The following PRKAA2 variants were observed in gnomAD, a reference collection of about 807,000 sequenced individuals.
PRKAA2 encodes protein kinase AMP-activated catalytic subunit alpha 2, also known as 5'-AMP-activated protein kinase catalytic subunit alpha-2.
Under a neutral mutation model 56.3 loss-of-function variants are expected in PRKAA2, and 40 were observed. The observed-to-expected ratio is 0.71, with a 90% CI of 0.55 to 0.92. PRKAA2 has a LOEUF of 0.92. Among genes scored for constraint, PRKAA2 ranks in the 40% least tolerant of loss-of-function variants. The pLI is 0.00. For synonymous variants in PRKAA2, 214 were observed against 234.2 expected (o/e 0.91, Z 0.79); for missense variants, 542 against 686.9 (o/e 0.79, Z 2.36).
rs752943476 is a variant in PRKAA2, at chr1:56,706,093, T to A, written c.1295T>A (p.Val432Glu). ...ATTTTTATTGATTTTTCACTTTAGG[T>A]AGTGAATGCATACCATCTTCGTGTA... ...AMKQLDFEWK[V>E]VNAYHLRVRR... Residue 432 changes from valine to glutamate, a missense_variant and splice_region_variant, in exon 8 of 9, where the codon GTA becomes GAA. This residue lies in a region of PRKAA2 where 158 missense variants were observed against 166.1 expected (regional missense o/e 0.95). Coordinates refer to ENST00000371244, the MANE Select transcript of PRKAA2 (RefSeq NM_006252.4). The A allele has an allele frequency of 6.2e-7, 1 of 1,605,596 alleles. No homozygotes were observed. Among genetic ancestry groups the A allele is most frequent in the South Asian group, 1.1e-5 (1 of 89,908 alleles).
At chr1:56,681,130 T>G (rs1208235593) in intron 2 of PRKAA2, among the ~76,000 whole-genome samples, 2 of 152,248 alleles carry the variant, frequency 1.3e-5, no homozygotes, top group Non-Finnish European at 2.9e-5. Flanking sequence ...ATTTTTCATG[T>G]GTCTGTTGGC....
intron 6 of PRKAA2, among the ~76,000 whole-genome samples, chr1:56,701,625 G>A (rs1006016544): frequency 5.9e-5 from 9 of 152,044 alleles, no homozygotes; most frequent in East Asian, 1.9e-4. Flanking sequence ...CGCCGGGCGC[G>A]GTGGCTCACA....
At position 56,712,087 on chromosome 1, in the gene PRKAA2, GACCCTTCAT is replaced by G. The variant is rs1203906407; in HGVS notation, c.*4376_*4384del. The G allele has an allele frequency of 6.6e-6, 1 of 152,126 alleles. No individual in the cohort carries two copies. Among genetic ancestry groups the G allele is most frequent in the East Asian group, 1.9e-4 (1 of 5,188 alleles). The allele number at this position is 152,126 out of a possible 1,614,324, so 9.4% of individuals were successfully genotyped here. ...TTTTATAGTGATTTTTCGATCTAGA[GACCCTTCAT>G]ATTGTTTACTTACTATTACGATAAC... On this transcript the variant is annotated 3_prime_UTR_variant, in exon 9 of 9. Transcript: ENST00000371244.
chr1:56,679,479 A>G (rs1353537782), intron 2 of PRKAA2, among the ~76,000 whole-genome samples: 7 of 152,176 alleles, frequency 4.6e-5, no homozygotes, highest in African/African-American at 1.7e-4. Flanking sequence ...TGAAAATACC[A>G]TTCATGCAGT....
At chr1:56,698,285 A>G (rs1485247970) in intron 6 of PRKAA2, among the ~76,000 whole-genome samples, 1 of 152,144 alleles carries the variant, frequency 6.6e-6, no homozygotes, top group Non-Finnish European at 1.5e-5. Flanking sequence ...TCATGGAAAA[A>G]TTACAAAATA....
intron 5 of PRKAA2, among the ~76,000 whole-genome samples, chr1:56,694,426 GA>G (rs1644246284): frequency 6.6e-6 from 1 of 152,132 alleles, no homozygotes; most frequent in Non-Finnish European, 1.5e-5. Context: ...AATCCTATAA[GA>G]GAAAATATGG....
rs1569806786 is a variant in PRKAA2 at position 56,709,562 on chromosome 1, T to C, written c.*1849T>C. The C allele has an allele frequency of 6.6e-6, 1 of 152,278 alleles. No individual in the cohort carries two copies. The highest frequency in any genetic ancestry group is 2.1e-4 in the South Asian group (1 of 4,834). The allele number at this position is 152,278 out of a possible 1,614,324, so 9.4% of individuals were successfully genotyped here. On this transcript the variant is annotated 3_prime_UTR_variant, in exon 9 of 9. Transcript: ENST00000371244. ...GTGTTAGCCTGGTCCATTATAGATA[T>C]GGCATAGTTTTGGGTTCTCTAAATG...
intron 1 of PRKAA2, among the ~76,000 whole-genome samples, chr1:56,649,353 A>T (rs1190644012): frequency 6.6e-6 from 1 of 152,186 alleles, no homozygotes; most frequent in Non-Finnish European, 1.5e-5. Flanking sequence ...TGCAAAATGA[A>T]TTTCTACTAA....
chr1:56,713,940 T>C lies in PRKAA2; in HGVS notation c.*6227T>C, dbSNP rs992027816. The C allele has an allele frequency of 1.3e-5, 2 of 151,978 alleles. No individual in the cohort carries two copies. The highest frequency in any genetic ancestry group is 6.6e-5 in the Admixed American group (1 of 15,226). The allele number at this position is 151,978 out of a possible 1,614,324, so 9.4% of individuals were successfully genotyped here. A position where few individuals can be genotyped will look rare whatever the true frequency, so the allele number is the denominator to read the frequency against. On this transcript the variant is annotated 3_prime_UTR_variant, in exon 9 of 9. Coordinates refer to ENST00000371244, the MANE Select transcript of PRKAA2 (RefSeq NM_006252.4). ...AAAAACTTGTTTAAACTATATTTTC[T>C]TTTTTTCTAATCCCTCTCAGTTCTC...
chr1:56,648,263 T>G (rs1022956422), intron 1 of PRKAA2, among the ~76,000 whole-genome samples: 2 of 152,230 alleles, frequency 1.3e-5, no homozygotes, highest in South Asian at 4.1e-4. Flanking sequence ...ATCTGTTTTC[T>G]GCCTGTATAA....
intron 1 of PRKAA2, among the ~76,000 whole-genome samples, chr1:56,658,587 T>TCCCC (rs35263676): frequency 1.5e-4 from 20 of 130,208 alleles, no homozygotes; most frequent in South Asian, 8.5e-4. Context: ...TTTTTTTTCT[T>TCCCC]CCCCCCCCCC....
intron 4 of PRKAA2, among the ~76,000 whole-genome samples, chr1:56,692,961 C>T (rs71639732): frequency 6.6e-6 from 1 of 151,902 alleles, no homozygotes; most frequent in Non-Finnish European, 1.5e-5. Context: ...TTAGGTGTAA[C>T]GTCTAATAAC....
Position 56,713,860 on chromosome 1 carries a change from A to AC in PRKAA2, c.*6147_*6148insC, listed in dbSNP as rs1230247822. The AC allele has an allele frequency of 5.1e-4, 78 of 151,592 alleles. No homozygotes were observed. Among genetic ancestry groups the AC allele is most frequent in the African/African-American group, 1.5e-3 (61 of 41,406 alleles). 9.4% of individuals were successfully genotyped at this position (151,592 alleles called of 1,614,324 possible). On this transcript the variant is annotated 3_prime_UTR_variant, in exon 9 of 9. Coordinates refer to ENST00000371244, the MANE Select transcript of PRKAA2 (RefSeq NM_006252.4). ...AGATCCACTGTTCTAAAAAAAAAAA[A>AC]AAAAAAAAACACTAAATTGTGCCTT...
At chr1:56,682,470 A>G (rs1270812872) in intron 2 of PRKAA2, among the ~76,000 whole-genome samples, 1 of 152,194 alleles carries the variant, frequency 6.6e-6, no homozygotes, top group East Asian at 1.9e-4. Context: ...AAAGAGGTGA[A>G]GCAAACTTCA....
chr1:56,699,506 G>A lies in PRKAA2; in HGVS notation c.788+3347G>A, dbSNP rs1253817176. ...AGCTAGAAAGATGGCTTTTAAAATTGTCAGTTATTACAAACAATTATGGCC... is the reference window on the plus strand; with the variant it reads ...AGCTAGAAAGATGGCTTTTAAAATTATCAGTTATTACAAACAATTATGGCC... On this transcript the variant is annotated intron_variant, in intron 6 of 8. Transcript: ENST00000371244. Among the ~76,000 whole-genome samples, 17 of 152,076 alleles carry A rather than the reference G, an allele frequency of 1.1e-4. 1 individual carries two copies. The highest frequency in any genetic ancestry group is 1.1e-3 in the Admixed American group (17 of 15,266).
chr1:56,672,045 G>T (rs920106693), intron 1 of PRKAA2, among the ~76,000 whole-genome samples: 3 of 152,126 alleles, frequency 2.0e-5, no homozygotes, highest in African/African-American at 7.2e-5. Flanking sequence ...TATGCTATGT[G>T]CTACCAAGTG....
intron 8 of PRKAA2, 117 bp from the exon 9 acceptor site, chr1:56,707,351 CATTCATT>C (rs1488473582): frequency 1.4e-6 from 1 of 738,736 alleles, no homozygotes; most frequent in Non-Finnish European, 2.3e-6. Flanking sequence ...AGAAACATGA[CATTCATT>C]ATTAAGTTGC....
At position 56,708,474 on chromosome 1, in the gene PRKAA2, T is replaced by G. The variant is rs1360148149; in HGVS notation, c.*761T>G. On this transcript the variant is annotated 3_prime_UTR_variant, in exon 9 of 9. Transcript: ENST00000371244. ...TTGTCTTTTACATAAACTTACGTCA[T>G]TTAAAAAATGTCTTCAAAATCTACC... The G allele has an allele frequency of 1.3e-5, 2 of 152,232 alleles. No homozygotes were observed. The highest frequency in any genetic ancestry group is 2.9e-5 in the Non-Finnish European group (2 of 68,044). The allele number at this position is 152,232 out of a possible 1,614,324, so 9.4% of individuals were successfully genotyped here. A position where few individuals can be genotyped will look rare whatever the true frequency, so the allele number is the denominator to read the frequency against.
Position 56,714,667 on chromosome 1 carries a change from G to GT in PRKAA2, c.*6958dup, listed in dbSNP as rs563303053. 6 of 152,228 alleles carry GT rather than the reference G, an allele frequency of 3.9e-5. No homozygotes were observed. The South Asian group carries it at 6.2e-4, about 16-fold the overall frequency. The allele number at this position is 152,228 out of a possible 1,614,324, so 9.4% of individuals were successfully genotyped here. On this transcript the variant is annotated 3_prime_UTR_variant, in exon 9 of 9. Coordinates refer to ENST00000371244, the MANE Select transcript of PRKAA2 (RefSeq NM_006252.4). ...TCACAAATATCTGTGGTTGTACAATGTTTTGAACATTTAATGTAAAGTTGT... is the reference window on the plus strand; with the variant it reads ...TCACAAATATCTGTGGTTGTACAATGTTTTTGAACATTTAATGTAAAGTTGT...
Sources: allele counts gnomAD v4.1 joint callset (sites outside exome capture counted in the v4.1 genomes callset), GRCh38; gene constraint gnomAD v4.1.1; regional missense constraint gnomAD v4.1.1; transcripts MANE v1.5; gene names NCBI Gene and HGNC (gene_info 2026-07-23, HGNC 2026-07-21).